The following CSMD1 variants were observed in gnomAD, a reference collection of about 807,000 sequenced individuals.
CSMD1 encodes CUB and Sushi multiple domains 1.
Under a neutral mutation model 417.5 loss-of-function variants are expected in CSMD1, and 213 were observed. The ratio of observed to expected loss-of-function variants is 0.51; its 90% CI spans 0.46 to 0.57. The LOEUF (loss-of-function observed/expected upper bound fraction) is 0.57, where lower values mean the gene tolerates loss of function less well. Among genes scored for constraint, CSMD1 ranks in the 20% least tolerant of loss-of-function variants. The pLI is 0.00. For synonymous variants in CSMD1, 2,862 were observed against 1,736.8 expected, an observed-to-expected ratio of 1.65 and a Z score of -16.11; for missense variants, 6,923 against 4,529.7, an observed-to-expected ratio of 1.53 and a Z score of -15.17.
chr8:4,910,362 TA>T (rs1235384447), intron 1 of CSMD1, among the ~76,000 whole-genome samples: 7 of 152,292 alleles, frequency 4.6e-5, no homozygotes, highest in East Asian at 3.9e-4. Context: ...TTGGCTGCTA[TA>T]AAAAATACTA....
chr8:3,967,853 T>G (rs1465183967), intron 5 of CSMD1, among the ~76,000 whole-genome samples: 1 of 151,896 alleles, frequency 6.6e-6, no homozygotes, highest in Admixed American at 6.6e-5. Context: ...GATGACAGCA[T>G]TTCCCTTGCT....
At chr8:4,285,342 G>T (rs1021563955) in intron 3 of CSMD1, among the ~76,000 whole-genome samples, 1 of 152,050 alleles carries the variant, frequency 6.6e-6, no homozygotes, top group Non-Finnish European at 1.5e-5. Flanking sequence ...ATTTCATTTA[G>T]AACTCCCATC....
At chr8:3,083,646 ATATTTTTTTTTTTTTTTTTTTTTTT>A (rs1814302674) in intron 49 of CSMD1, among the ~76,000 whole-genome samples, 4 of 16,740 alleles carry the variant, frequency 2.4e-4, no homozygotes, top group Non-Finnish European at 3.9e-4. Flanking sequence ...ATATATATAT[ATATTTTTTTTTTTTTTTTTTTTTTT>A]TTTTTTTTTG....
intron 26 of CSMD1, among the ~76,000 whole-genome samples, chr8:3,236,283 T>C (rs970310590): frequency 1.3e-5 from 2 of 152,164 alleles, no homozygotes; most frequent in Non-Finnish European, 2.9e-5. Context: ...TCTGCTTGTA[T>C]ATTTTCAAAG....
rs1563365430 is a variant in CSMD1 at position 3,414,911 on chromosome 8, GCACCACTCTCTTTT to G, written c.1562-5320_1562-5307del. Among the ~76,000 whole-genome samples the G allele has an allele frequency of 2.0e-5, 3 of 152,016 alleles. No homozygotes were observed. The East Asian group carries it at 5.8e-4, about 29-fold the overall frequency. On this transcript the variant is annotated intron_variant, in intron 12 of 69. Coordinates refer to ENST00000635120, the MANE Select transcript of CSMD1 (RefSeq NM_033225.6). ...ATGGCCTGTATCCTACGTGTCTCTA[GCACCACTCTCTTTT>G]CTGCGGCAAGACCTGTCACTCTGCA...
chr8:2,978,949 A>C, intron 54 of CSMD1, 149 bp from the exon 55 acceptor site: 1 of 695,314 alleles, frequency 1.4e-6, no homozygotes, highest in Non-Finnish European at 2.3e-6. Context: ...CACTCTCACG[A>C]TGAATTCTCC....
At chr8:3,332,791 C>T (rs971126288) in intron 23 of CSMD1, among the ~76,000 whole-genome samples, 11 of 152,150 alleles carry the variant, frequency 7.2e-5, no homozygotes, top group African/African-American at 2.7e-4. Context: ...ACCCTGATGC[C>T]CTCACCTCCT....
chr8:4,527,442 T>G (rs886780755), intron 2 of CSMD1, among the ~76,000 whole-genome samples: 3 of 152,196 alleles, frequency 2.0e-5, no homozygotes, highest in African/African-American at 7.2e-5. Context: ...CCTTTACCTA[T>G]CCTTCTGGCA....
rs538924814 is a variant in CSMD1 at position 2,974,638 on chromosome 8, A to T, written c.8567-14T>A. The T allele has an allele frequency of 1.3e-6, 2 of 1,562,866 alleles. No individual in the cohort carries two copies. Among genetic ancestry groups the T allele is most frequent in the Non-Finnish European group, 1.7e-6 (2 of 1,152,084 alleles). On this transcript the variant is annotated splice_polypyrimidine_tract_variant and intron_variant, in intron 55 of 69. Transcript: ENST00000635120. ...CACACGATATAGCTTCAGAAAAAAG[A>T]TAAAACAATTGAGTACATCCTTCCA...
chr8:3,982,090 G>T (rs918272851), intron 5 of CSMD1, among the ~76,000 whole-genome samples: 1 of 151,410 alleles, frequency 6.6e-6, no homozygotes, highest in Non-Finnish European at 1.5e-5. Flanking sequence ...CCTGGGAGGT[G>T]GAGGTTGCAG....
At chr8:3,850,806 G>T (rs984508780) in intron 5 of CSMD1, among the ~76,000 whole-genome samples, 1 of 152,194 alleles carries the variant, frequency 6.6e-6, no homozygotes, top group South Asian at 2.1e-4. Context: ...CCAGTCAAAG[G>T]AACAAAGCTC....
intron 10 of CSMD1, among the ~76,000 whole-genome samples, chr8:3,538,425 T>G (rs1312625343): frequency 6.6e-6 from 1 of 151,972 alleles, no homozygotes; most frequent in Non-Finnish European, 1.5e-5. Flanking sequence ...ATGGTGCACT[T>G]GAGATGCCTC....
At chr8:4,301,701 C>T (rs959223067) in intron 3 of CSMD1, among the ~76,000 whole-genome samples, 1 of 152,182 alleles carries the variant, frequency 6.6e-6, no homozygotes, top group Admixed American at 6.6e-5. Flanking sequence ...ATTTTTCTTG[C>T]AAATTGATGT....
intron 10 of CSMD1, among the ~76,000 whole-genome samples, chr8:3,494,948 A>T (rs939019984): frequency 6.6e-6 from 1 of 152,174 alleles, no homozygotes; most frequent in Admixed American, 6.5e-5. Flanking sequence ...CATGTCCACC[A>T]TTCCAACAGG....
chr8:3,699,828 C>T (rs1179129754), intron 7 of CSMD1, among the ~76,000 whole-genome samples: 2 of 152,098 alleles, frequency 1.3e-5, no homozygotes, highest in African/African-American at 4.8e-5. Context: ...CATGAGCACC[C>T]TCTTCCCACA....
At chr8:4,964,368 A>C (rs1809707861) in intron 1 of CSMD1, among the ~76,000 whole-genome samples, 4 of 152,036 alleles carry the variant, frequency 2.6e-5, no homozygotes, top group Admixed American at 2.0e-4. Context: ...CAAGAAAAAA[A>C]ATAAGCCGGG....
At chr8:3,193,234 T>A (rs1297683582) in intron 33 of CSMD1, among the ~76,000 whole-genome samples, 1 of 152,192 alleles carries the variant, frequency 6.6e-6, no homozygotes, top group African/African-American at 2.4e-5. Context: ...CAAGGGTCAT[T>A]TGTACACAAG....
chr8:3,972,894 T>TGG lies in CSMD1; in HGVS notation c.818+25008_818+25009insCC, dbSNP rs1585057389. ...GGAAAAAATAAAAACCATCAAAATG[T>TGG]AAAAATGGAAAACAACCTAAATGGG... On this transcript the variant is annotated intron_variant, in intron 5 of 69. Transcript: ENST00000635120. Among the ~76,000 whole-genome samples, 4 of 152,074 alleles carry TGG rather than the reference T, an allele frequency of 2.6e-5. No individual in the cohort carries two copies. In the East Asian group the frequency reaches 7.7e-4, roughly 29 times the overall value.
chr8:3,497,051 T>G (rs1796395376), intron 10 of CSMD1, among the ~76,000 whole-genome samples: 1 of 152,208 alleles, frequency 6.6e-6, no homozygotes, highest in Non-Finnish European at 1.5e-5. Context: ...CCTTGTTTTG[T>G]GGGATAACAT....
Sources: gnomAD v4.1 joint callset for allele counts (sites outside exome capture counted in the v4.1 genomes callset) on GRCh38, gnomAD v4.1.1 for gene constraint, MANE v1.5 for transcripts, NCBI Gene and HGNC (gene_info 2026-07-23, HGNC 2026-07-21) for gene names.